Variants in BABAM2 observed in about 807,000 individuals in gnomAD.
The protein encoded by BABAM2 is BRISC and BRCA1-A complex member 2.
BABAM2 carries 31 observed loss-of-function variants against 54.7 expected under a neutral mutation model. The observed-to-expected ratio is 0.57, with a 90% CI of 0.43 to 0.77. The LOEUF is 0.77. Ranked by LOEUF, BABAM2 falls within the 30% of genes least tolerant of loss-of-function variation. The pLI is 0.00. For missense variants in BABAM2, 364 were observed against 455.8 expected (o/e 0.80, Z 1.83); for synonymous variants, 167 against 162.9 (o/e 1.03, Z -0.19).
intron 4 of BABAM2, among the ~76,000 whole-genome samples, chr2:28,019,675 G>A (rs1024627118): frequency 4.6e-5 from 7 of 152,112 alleles, no homozygotes; most frequent in African/African-American, 1.4e-4. Flanking sequence ...TTCATATAAG[G>A]TAAGAGCTGA....
At chr2:27,899,409 A>G (rs187542969) in intron 2 of BABAM2, among the ~76,000 whole-genome samples, 54 of 151,210 alleles carry the variant, frequency 3.6e-4, no homozygotes, top group Middle Eastern at 3.5e-3. Flanking sequence ...CTGAATGTTT[A>G]GTTGAAGATT....
chr2:28,077,963 T>A (rs1230152458), intron 6 of BABAM2, among the ~76,000 whole-genome samples: 1 of 152,100 alleles, frequency 6.6e-6, no homozygotes, highest in Non-Finnish European at 1.5e-5. Context: ...AGTACCTCCA[T>A]CCTCTTTTCC....
At chr2:27,987,968 G>C (rs778908413) in intron 3 of BABAM2, 25 bp from the exon 4 acceptor site, 2 of 1,555,006 alleles carry the variant, frequency 1.3e-6, no homozygotes, top group Non-Finnish European at 1.8e-6. Context: ...AAATAAAAAG[G>C]ACCTGTCATT....
At chr2:28,114,657 T>A (rs1211836908) in intron 6 of BABAM2, among the ~76,000 whole-genome samples, 1 of 152,224 alleles carries the variant, frequency 6.6e-6, no homozygotes, top group African/African-American at 2.4e-5. Context: ...CACCATATAA[T>A]GTGTTGTTTA....
intron 3 of BABAM2, among the ~76,000 whole-genome samples, chr2:27,967,574 G>C (rs930165178): frequency 6.6e-6 from 1 of 152,198 alleles, no homozygotes; most frequent in Non-Finnish European, 1.5e-5. Flanking sequence ...AAAGATACTT[G>C]AAAATGTGGA....
chr2:27,985,699 A>G (rs1672348656), intron 3 of BABAM2, among the ~76,000 whole-genome samples: 1 of 152,190 alleles, frequency 6.6e-6, no homozygotes, highest in African/African-American at 2.4e-5. Context: ...AGGAAGATCA[A>G]TTATATGTAC....
chr2:28,290,456 A>C (rs1044601544), intron 10 of BABAM2, among the ~76,000 whole-genome samples: 9 of 152,192 alleles, frequency 5.9e-5, no homozygotes, highest in Non-Finnish European at 1.3e-4. Flanking sequence ...CAGCCTGACA[A>C]CACTTGGGTA....
intron 6 of BABAM2, among the ~76,000 whole-genome samples, chr2:28,093,156 T>C (rs1329493550): frequency 6.6e-6 from 1 of 152,212 alleles, no homozygotes; most frequent in Non-Finnish European, 1.5e-5. Context: ...ACCACTTTAC[T>C]ATCACAAAAC....
chr2:28,141,199 GTA>G (rs1315243098), intron 7 of BABAM2, among the ~76,000 whole-genome samples: 4 of 152,028 alleles, frequency 2.6e-5, no homozygotes, highest in Non-Finnish European at 5.9e-5. Flanking sequence ...ACACATATAT[GTA>G]TATGTGTGTA....
intron 2 of BABAM2, among the ~76,000 whole-genome samples, chr2:27,900,305 T>C (rs947775162): frequency 3.9e-5 from 6 of 152,140 alleles, no homozygotes; most frequent in African/African-American, 1.4e-4. Flanking sequence ...AAGGTCTAAG[T>C]TATCTATATT....
intron 6 of BABAM2, among the ~76,000 whole-genome samples, chr2:28,114,809 C>T (rs1668468235): frequency 6.6e-6 from 1 of 152,202 alleles, no homozygotes; most frequent in Non-Finnish European, 1.5e-5. Context: ...AAGGCATGAT[C>T]TAAACCTGGG....
intron 10 of BABAM2, among the ~76,000 whole-genome samples, chr2:28,246,832 G>T (rs1485148975): frequency 6.6e-6 from 1 of 152,202 alleles, no homozygotes; most frequent in African/African-American, 2.4e-5. Context: ...TTGCAATGAT[G>T]GTCAGAGATA....
At chr2:28,147,477 CTT>C (rs777132243) in intron 7 of BABAM2, among the ~76,000 whole-genome samples, 15 of 142,802 alleles carry the variant, frequency 1.1e-4, no homozygotes, top group Non-Finnish European at 9.3e-5. Context: ...TTAGGAAAAT[CTT>C]TTTTTTTTTT....
At chr2:27,889,157 G>A (rs896053930), upstream of BABAM2, among the ~76,000 whole-genome samples, 11 of 152,220 alleles carry the variant, frequency 7.2e-5, no homozygotes, top group Admixed American at 5.2e-4. Context: ...TGGAAATTTG[G>A]TAACACAGCT....
intron 7 of BABAM2, among the ~76,000 whole-genome samples, chr2:28,177,083 A>G (rs572813865): frequency 2.4e-4 from 37 of 152,228 alleles, no homozygotes; most frequent in African/African-American, 8.7e-4. Context: ...ATAAAATCCA[A>G]AAAGGTTCTT....
intron 4 of BABAM2, among the ~76,000 whole-genome samples, chr2:27,993,797 G>A (rs1026683792): frequency 6.6e-6 from 1 of 152,116 alleles, no homozygotes; most frequent in Non-Finnish European, 1.5e-5. Context: ...TTCTGCTTGC[G>A]TAGAATGTAA....
intron 3 of BABAM2, among the ~76,000 whole-genome samples, chr2:27,968,967 T>C (rs918856833): frequency 2.6e-5 from 4 of 152,160 alleles, no homozygotes; most frequent in South Asian, 2.1e-4. Context: ...TGGAATGATA[T>C]GGCTTGTCTG....
At chr2:28,027,109 C>T (rs1442758656) in intron 5 of BABAM2, among the ~76,000 whole-genome samples, 1 of 149,264 alleles carries the variant, frequency 6.7e-6, no homozygotes, top group Admixed American at 6.8e-5. Flanking sequence ...TCCTACCTTC[C>T]TCTTTCAAAT....
At chr2:28,203,969 T>A (rs1173403667) in intron 7 of BABAM2, among the ~76,000 whole-genome samples, 1 of 152,256 alleles carries the variant, frequency 6.6e-6, no homozygotes, top group Non-Finnish European at 1.5e-5. Flanking sequence ...TACTTTGTAT[T>A]ACCCAAATTT....
Sources: gnomAD v4.1 joint callset for allele counts (sites outside exome capture counted in the v4.1 genomes callset) on GRCh38, gnomAD v4.1.1 for gene constraint, MANE v1.5 for transcripts, NCBI Gene and HGNC (gene_info 2026-07-23, HGNC 2026-07-21) for gene names.